The following TCF7L2 variants were observed in gnomAD, a reference collection of about 807,000 sequenced individuals.
TCF7L2 encodes transcription factor 7-like 2.
A neutral mutation model predicts 77.9 loss-of-function variants in TCF7L2; 23 were observed. That is an observed-to-expected ratio of 0.30 (90% CI 0.21 to 0.42). The LOEUF (loss-of-function observed/expected upper bound fraction) is 0.42. TCF7L2 is among the 10% of genes least tolerant of loss of function. The probability of loss-of-function intolerance (pLI) is 1.00; values close to 1 mark genes in which losing one functional copy is unlikely to be tolerated. For synonymous variants in TCF7L2, 413 were observed against 340.2 expected (o/e 1.21, Z -2.36); for missense variants, 654 against 793.1 (o/e 0.82, Z 2.11).
chr10:113,152,205 C>T, intron 10 of TCF7L2, 128 bp from the exon 11 acceptor site: 1 of 906,616 alleles, frequency 1.1e-6, no homozygotes, highest in Non-Finnish European at 1.8e-6. Context: ...CAGATTATAC[C>T]ATTTCTGGAC....
chr10:113,047,239 T>A (rs2053620118), intron 5 of TCF7L2, among the ~76,000 whole-genome samples: 1 of 152,212 alleles, frequency 6.6e-6, no homozygotes, highest in Non-Finnish European at 1.5e-5. Context: ...AATTTCTTGA[T>A]ACATAGCCAC....
At chr10:113,054,071 T>C (rs1275675487) in intron 5 of TCF7L2, among the ~76,000 whole-genome samples, 7 of 152,238 alleles carry the variant, frequency 4.6e-5, no homozygotes, top group South Asian at 2.1e-4. Context: ...CCTGGAGGCC[T>C]GTCATTCTTT....
intron 5 of TCF7L2, among the ~76,000 whole-genome samples, chr10:113,082,172 T>G (rs750501711): frequency 4.6e-5 from 7 of 151,234 alleles, no homozygotes; most frequent in Non-Finnish European, 1.0e-4. Flanking sequence ...ATATCTCAAG[T>G]TCAGATAATG....
chr10:112,989,145 G>A (rs1401804688), intron 4 of TCF7L2, among the ~76,000 whole-genome samples: 1 of 152,122 alleles, frequency 6.6e-6, no homozygotes, highest in African/African-American at 2.4e-5. Context: ...CCTTTTGCAA[G>A]TGAATAATCA....
chr10:113,141,428 A>T, intron 6 of TCF7L2, 112 bp downstream of exon 6: 2 of 1,473,490 alleles, frequency 1.4e-6, no homozygotes, highest in Non-Finnish European at 1.8e-6. Flanking sequence ...CTTTGGGGGA[A>T]CGGTGGTGGG....
chr10:112,958,819 A>T (rs1253279973), intron 3 of TCF7L2, among the ~76,000 whole-genome samples: 1 of 152,210 alleles, frequency 6.6e-6, no homozygotes, highest in Non-Finnish European at 1.5e-5. Context: ...TCACAATGGC[A>T]TACCCAGGGA....
chr10:112,962,635 A>G (rs2035553567), intron 3 of TCF7L2, among the ~76,000 whole-genome samples: 1 of 152,098 alleles, frequency 6.6e-6, no homozygotes, highest in Non-Finnish European at 1.5e-5. Flanking sequence ...TCTCACTCTT[A>G]CCGCCTAGGC....
chr10:113,092,692 C>A (rs147568679), intron 5 of TCF7L2, among the ~76,000 whole-genome samples: 1 of 152,046 alleles, frequency 6.6e-6, no homozygotes, highest in African/African-American at 2.4e-5. Flanking sequence ...GGTGAAACCC[C>A]GTCTCTACTA....
In TCF7L2 at chr10:113,096,406, T is replaced by C. The variant is rs187876459; in HGVS notation, c.553-44778T>C. ...AGATCTGAGTTCTTATTCTTCCTTA[T>C]AAGGCCTGTCCTATGGACCTTATTG... On this transcript the variant is annotated intron_variant, in intron 5 of 13. Coordinates refer to ENST00000627217, the MANE Select transcript of TCF7L2 (RefSeq NM_001146274.2). Among the ~76,000 whole-genome samples the C allele has an allele frequency of 2.0e-5, 3 of 152,332 alleles. No individual in the cohort carries two copies. The East Asian group carries it at 5.8e-4, about 29-fold the overall frequency.
chr10:113,159,146 C>CT (rs142664442), intron 12 of TCF7L2, among the ~76,000 whole-genome samples: 3,285 of 148,862 alleles, frequency 0.022, 112 homozygotes, highest in African/African-American at 0.077. Flanking sequence ...TTTTCCTTTG[C>CT]TTTTTTTTAT....
At chr10:113,118,303 C>T (rs998429995) in intron 5 of TCF7L2, among the ~76,000 whole-genome samples, 5 of 152,070 alleles carry the variant, frequency 3.3e-5, no homozygotes, top group Non-Finnish European at 7.4e-5. Context: ...GCTTATATGT[C>T]TGTCTTGAGG....
Position 112,951,194 on chromosome 10 carries a change from C to T in TCF7L2, c.190-13C>T, listed in dbSNP as rs745800886. 39 of 1,584,030 alleles carry T rather than the reference C, an allele frequency of 2.5e-5. No individual in the cohort carries two copies. The African/African-American group carries it at 4.5e-4, about 18-fold the overall frequency. ...TTGCCCCTCGCCCTCCCCACCTCCA[C>T]CCCTCTGGGAAGGCGGAAAGACGGC... On this transcript the variant is annotated splice_polypyrimidine_tract_variant and intron_variant, in intron 1 of 13. Transcript: ENST00000627217.
intron 4 of TCF7L2, among the ~76,000 whole-genome samples, chr10:113,014,393 C>T (rs1456752619): frequency 6.6e-6 from 1 of 152,124 alleles, no homozygotes; most frequent in Non-Finnish European, 1.5e-5. Flanking sequence ...ATTTCAGGGC[C>T]AAGGATGCTT....
chr10:113,077,859 TTATTTA>T (rs1404227728), intron 5 of TCF7L2, among the ~76,000 whole-genome samples: 9 of 11,774 alleles, frequency 7.6e-4, no homozygotes, highest in East Asian at 0.017. Context: ...CCTGGCTTGC[TTATTTA>T]TTTATTTATT....
chr10:113,025,842 C>T (rs1347924201), intron 4 of TCF7L2, among the ~76,000 whole-genome samples: 1 of 151,916 alleles, frequency 6.6e-6, no homozygotes, highest in Non-Finnish European at 1.5e-5. Flanking sequence ...AATTTGAACT[C>T]AGGCATTCTG....
intron 5 of TCF7L2, among the ~76,000 whole-genome samples, chr10:113,113,815 G>A (rs2063423368): frequency 6.6e-6 from 1 of 151,984 alleles, no homozygotes; most frequent in African/African-American, 2.4e-5. Flanking sequence ...AAGAGAGAGG[G>A]GAATAAGAAT....
intron 3 of TCF7L2, among the ~76,000 whole-genome samples, chr10:112,958,389 C>T (rs545447880): frequency 4.6e-5 from 7 of 152,048 alleles, no homozygotes; most frequent in Non-Finnish European, 1.0e-4. Context: ...TTAGTACGCA[C>T]TGTAATTGTT....
At chr10:113,051,282 C>T (rs754530530) in intron 5 of TCF7L2, among the ~76,000 whole-genome samples, 26 of 151,578 alleles carry the variant, frequency 1.7e-4, no homozygotes, top group Admixed American at 9.9e-4. Context: ...CAATGGAGGA[C>T]CCTCATTTGT....
intron 5 of TCF7L2, among the ~76,000 whole-genome samples, chr10:113,107,611 C>T (rs926522536): frequency 1.3e-5 from 2 of 151,752 alleles, no homozygotes; most frequent in East Asian, 2.0e-4. Context: ...GGCGTGGTGG[C>T]GAGTACCTGT....
Sources: gnomAD v4.1 joint callset for allele counts (sites outside exome capture counted in the v4.1 genomes callset) on GRCh38, gnomAD v4.1.1 for gene constraint, MANE v1.5 for transcripts, NCBI Gene and HGNC (gene_info 2026-07-23, HGNC 2026-07-21) for gene names.